Variants in LTBP1 observed in about 807,000 individuals in gnomAD.
LTBP1 encodes latent-transforming growth factor beta-binding protein 1.
In LTBP1, 129 loss-of-function variants were observed where a neutral mutation model predicts 207.6. The ratio of observed to expected loss-of-function variants is 0.62; its 90% CI spans 0.54 to 0.72. The LOEUF is 0.72. LTBP1 is among the 30% of genes least tolerant of loss of function. The pLI is 0.00. For synonymous variants in LTBP1, 963 were observed against 833.7 expected (o/e 1.16, Z -2.67); for missense variants, 2,281 against 2,217.2 (o/e 1.03, Z -0.58).
intron 2 of LTBP1, among the ~76,000 whole-genome samples, chr2:33,018,884 A>G (rs1472294705): frequency 6.6e-6 from 1 of 151,044 alleles, no homozygotes; most frequent in Non-Finnish European, 1.5e-5. Flanking sequence ...TTTTTCTTTT[A>G]GAGAATCCTT....
intron 5 of LTBP1, among the ~76,000 whole-genome samples, chr2:33,174,738 A>G (rs375223284): frequency 0.016 from 2,485 of 152,276 alleles, 24 homozygotes; most frequent in East Asian, 0.027. Flanking sequence ...GAGGCATCAC[A>G]CTACCTGACT....
intron 2 of LTBP1, among the ~76,000 whole-genome samples, chr2:32,986,131 G>A (rs1346990871): frequency 4.6e-5 from 7 of 152,100 alleles, no homozygotes; most frequent in African/African-American, 1.7e-4. Flanking sequence ...GACCCTGTTG[G>A]ATCAATTAGA....
chr2:33,141,944 G>GA (rs527923771), intron 5 of LTBP1, among the ~76,000 whole-genome samples: 30 of 151,850 alleles, frequency 2.0e-4, no homozygotes, highest in Middle Eastern at 3.4e-3. Flanking sequence ...TTCTTTGGGT[G>GA]AAAAAAAGGA....
intron 20 of LTBP1, among the ~76,000 whole-genome samples, chr2:33,300,163 A>C (rs1044828091): frequency 1.3e-5 from 2 of 152,196 alleles, no homozygotes; most frequent in African/African-American, 4.8e-5. Context: ...TTCTGTTTGC[A>C]GCTCTAAAAT....
chr2:33,172,627 T>C (rs1218340893), intron 5 of LTBP1, among the ~76,000 whole-genome samples: 2 of 152,126 alleles, frequency 1.3e-5, no homozygotes, highest in African/African-American at 4.8e-5. Flanking sequence ...TACCCAGGAA[T>C]TGAACTCAGC....
intron 2 of LTBP1, among the ~76,000 whole-genome samples, chr2:33,011,390 G>A (rs962644055): frequency 1.3e-5 from 2 of 152,180 alleles, no homozygotes; most frequent in African/African-American, 4.8e-5. Flanking sequence ...ATCTCAGAAT[G>A]TGAGTGTATT....
At chr2:33,108,425 C>T (rs888611468) in intron 3 of LTBP1, among the ~76,000 whole-genome samples, 2 of 152,060 alleles carry the variant, frequency 1.3e-5, no homozygotes, top group Non-Finnish European at 2.9e-5. Flanking sequence ...GGGCTGTTAA[C>T]TTAAGTTCTA....
At chr2:33,234,843 G>A (rs1464670272) in intron 9 of LTBP1, among the ~76,000 whole-genome samples, 1 of 151,284 alleles carries the variant, frequency 6.6e-6, no homozygotes, top group African/African-American at 2.4e-5. Flanking sequence ...TACAGTAACT[G>A]TATATGCAGA....
intron 16 of LTBP1, 140 bp from the exon 17 acceptor site, chr2:33,274,825 A>G (rs1434504172): frequency 5.4e-6 from 4 of 737,974 alleles, no homozygotes; most frequent in South Asian, 3.4e-5. Flanking sequence ...GAGGAGAAAG[A>G]TCGTGTCTCC....
chr2:33,205,293 A>G (rs1342073081), intron 7 of LTBP1, among the ~76,000 whole-genome samples: 2 of 152,244 alleles, frequency 1.3e-5, no homozygotes, highest in Non-Finnish European at 2.9e-5. Flanking sequence ...TTTTAAATTT[A>G]AATATTTTAA....
At chr2:33,107,221 A>G (rs2080115711) in intron 3 of LTBP1, among the ~76,000 whole-genome samples, 1 of 152,266 alleles carries the variant, frequency 6.6e-6, no homozygotes, top group African/African-American at 2.4e-5. Flanking sequence ...TAGTTATACC[A>G]AAACACAGAC....
At chr2:33,010,320 C>T (rs1687496765) in intron 2 of LTBP1, among the ~76,000 whole-genome samples, 1 of 152,198 alleles carries the variant, frequency 6.6e-6, no homozygotes, top group Non-Finnish European at 1.5e-5. Flanking sequence ...TAAGCATTAT[C>T]CAGTGTCATT....
At chr2:33,281,206 C>G (rs2093553661) in intron 19 of LTBP1, among the ~76,000 whole-genome samples, 1 of 152,076 alleles carries the variant, frequency 6.6e-6, no homozygotes, top group Admixed American at 6.6e-5. Flanking sequence ...GACATGCACT[C>G]AAACATCTCA....
At position 33,254,333 on chromosome 2, in the gene LTBP1, T is replaced by TTTAA. The variant is rs562638062; in HGVS notation, c.2167+1490_2167+1493dup. Among the ~76,000 whole-genome samples the TTTAA allele has an allele frequency of 3.0e-3, 459 of 152,242 alleles. 2 individuals are homozygous for TTTAA. Among genetic ancestry groups the TTTAA allele is most frequent in the African/African-American group, 0.011 (439 of 41,548 alleles). On this transcript the variant is annotated intron_variant, in intron 11 of 33. Transcript: ENST00000404816. ...TTTTAAATTTTTTAAATGTTTAGCTTTTAAGTTCAGGGGTAAAAGTGGAAG... is the reference window on the plus strand; with the variant it reads ...TTTTAAATTTTTTAAATGTTTAGCTTTTAATTAAGTTCAGGGGTAAAAGTGGAAG...
chr2:33,033,281 C>T (rs1207010743), intron 3 of LTBP1, among the ~76,000 whole-genome samples: 1 of 151,846 alleles, frequency 6.6e-6, no homozygotes, highest in African/African-American at 2.4e-5. Context: ...AATACTGTCC[C>T]CTCTGTTGAT....
chr2:33,057,317 A>G (rs1208637672), intron 3 of LTBP1, among the ~76,000 whole-genome samples: 1 of 152,182 alleles, frequency 6.6e-6, no homozygotes, highest in Non-Finnish European at 1.5e-5. Flanking sequence ...TACTAGACAT[A>G]AAGGTTCTCC....
chr2:33,397,506 C>CTTTTTTTTTTTTTTT (rs35219261), intron 33 of LTBP1, among the ~76,000 whole-genome samples: 2 of 112,116 alleles, frequency 1.8e-5, no homozygotes, highest in Non-Finnish European at 3.4e-5. Flanking sequence ...TACCACAATT[C>CTTTTTTTTTTTTTTT]TTTTTTTTTT....
At chr2:33,350,510 G>T (rs896876453) in intron 26 of LTBP1, among the ~76,000 whole-genome samples, 2 of 152,204 alleles carry the variant, frequency 1.3e-5, no homozygotes, top group Non-Finnish European at 2.9e-5. Context: ...TTCCAGCAGG[G>T]TATTGCCCCA....
chr2:33,300,654 T>A (rs2093972585), intron 21 of LTBP1, 81 bp downstream of exon 21: 4 of 1,419,036 alleles, frequency 2.8e-6, no homozygotes, highest in Non-Finnish European at 3.8e-6. Flanking sequence ...TCAAGTGAGT[T>A]TACCTTTTAA....
Sources: gnomAD v4.1 joint callset for allele counts (sites outside exome capture counted in the v4.1 genomes callset) on GRCh38, gnomAD v4.1.1 for gene constraint, MANE v1.5 for transcripts, NCBI Gene and HGNC (gene_info 2026-07-23, HGNC 2026-07-21) for gene names.